The following ZNF737 variants were observed in gnomAD, a reference collection of about 807,000 sequenced individuals.
The protein encoded by ZNF737 is zinc finger protein 737.
In ZNF737, 13 loss-of-function variants were observed where a neutral mutation model predicts 11.7. The observed-to-expected ratio is 1.11, with a 90% CI of 0.73 to 1.77. ZNF737 has a LOEUF of 1.77. Among genes scored for constraint, ZNF737 ranks in the 40% most tolerant of loss-of-function variants. The probability of loss-of-function intolerance (pLI) is 0.00; values close to 1 mark genes in which losing one functional copy is unlikely to be tolerated. For synonymous variants in ZNF737, 217 were observed against 216.2 expected, an observed-to-expected ratio of 1.00 and a Z score of -0.03; for missense variants, 636 against 638.0, an observed-to-expected ratio of 1.00 and a Z score of 0.03.
chr19:20,530,999 G>A (rs1599383322), downstream of ZNF737, among the ~76,000 whole-genome samples: 1 of 148,976 alleles, frequency 6.7e-6, no homozygotes, highest in Non-Finnish European at 1.5e-5. Flanking sequence ...GCTGAGGCTG[G>A]CGGATCACTC....
At chr19:20,555,949 T>A (rs1195453291) in intron 1 of ZNF737, among the ~76,000 whole-genome samples, 2 of 152,132 alleles carry the variant, frequency 1.3e-5, no homozygotes, top group Non-Finnish European at 2.9e-5. Context: ...CAAGTATACC[T>A]GCTAGCATGA....
At chr19:20,554,596 AT>A (rs1339745583) in intron 1 of ZNF737, among the ~76,000 whole-genome samples, 8 of 152,230 alleles carry the variant, frequency 5.3e-5, no homozygotes, top group African/African-American at 1.9e-4. Context: ...ACTAGAAGAA[AT>A]TTTTATGTTG....
Position 20,542,101 on chromosome 19 carries a change from C to T in ZNF737, c.*2491G>A. On this transcript the variant is annotated 3_prime_UTR_variant, in exon 4 of 4. Transcript: ENST00000427401. The stretch of plus-strand genomic sequence containing the variant: ...TTTACAATGTATGAAATAGTATATT[C>T]CTACAATATTGTACCTACACCCTTG... The T allele has an allele frequency of 1.0e-6, 1 of 985,262 alleles. No individual in the cohort carries two copies. The highest frequency in any genetic ancestry group is 1.2e-6 in the Non-Finnish European group (1 of 829,838). The allele number at this position is 985,262 out of a possible 1,614,324, so 61.0% of individuals were successfully genotyped here. A position where few individuals can be genotyped will look rare whatever the true frequency, so the allele number is the denominator to read the frequency against.
intron 1 of ZNF737, among the ~76,000 whole-genome samples, chr19:20,560,903 G>A (rs1397643433): frequency 1.3e-5 from 2 of 152,264 alleles, no homozygotes; most frequent in East Asian, 1.9e-4. Context: ...AACAACAGAC[G>A]CTGCGGCCTA....
In ZNF737 at chr19:20,544,432, T is replaced by C; in HGVS notation, c.*160A>G. ...TTGCTGCATTTTCTTATTTGTTGGG[T>C]TTCTTTCCCGCATGAATTATCTAAT... On this transcript the variant is annotated 3_prime_UTR_variant, in exon 4 of 4. Coordinates refer to ENST00000427401, the MANE Select transcript of ZNF737 (RefSeq NM_001159293.2). 1 of 1,459,152 alleles carries C rather than the reference T, an allele frequency of 6.9e-7. No individual in the cohort carries two copies. Among genetic ancestry groups the C allele is most frequent in the African/African-American group, 1.4e-5 (1 of 70,228 alleles). The allele number at this position is 1,459,152 out of a possible 1,614,324, so 90.4% of individuals were successfully genotyped here. A position where few individuals can be genotyped will look rare whatever the true frequency, so the allele number is the denominator to read the frequency against.
chr19:20,562,112 A>G (rs1250293585), intron 1 of ZNF737, among the ~76,000 whole-genome samples: 4 of 152,068 alleles, frequency 2.6e-5, no homozygotes, highest in South Asian at 2.1e-4. Flanking sequence ...TTTCTTATCT[A>G]TCACACAGGC....
intron 1 of ZNF737, among the ~76,000 whole-genome samples, chr19:20,557,041 G>C (rs1968915640): frequency 6.6e-6 from 1 of 152,204 alleles, no homozygotes; most frequent in Non-Finnish European, 1.5e-5. Context: ...CCAGATGAAA[G>C]AGATAGAAAG....
rs530759296 is a variant in ZNF737 at position 20,542,319 on chromosome 19, C to T, written c.*2273G>A. The stretch of plus-strand genomic sequence containing the variant: ...TCTTGCCCCACTGCAACCTCTGCCT[C>T]CCAGGTTCAAGTGTTTCTCCTGCCT... On this transcript the variant is annotated 3_prime_UTR_variant, in exon 4 of 4. Coordinates refer to ENST00000427401, the MANE Select transcript of ZNF737 (RefSeq NM_001159293.2). 3.5e-5 allele frequency: 17 copies of T among 491,988 alleles called. No individual in the cohort carries two copies. The South Asian group carries it at 1.4e-3, about 41-fold the overall frequency. The allele number at this position is 491,988 out of a possible 1,614,324, so 30.5% of individuals were successfully genotyped here.
chr19:20,535,371 T>C (rs1280007412), downstream of ZNF737, among the ~76,000 whole-genome samples: 8 of 152,108 alleles, frequency 5.3e-5, no homozygotes, highest in Admixed American at 5.2e-4. Context: ...TGTTCACCAA[T>C]AGGTGAATGG....
chr19:20,546,113 T>C, intron 3 of ZNF737, 137 bp from the exon 4 acceptor site: 1 of 1,168,978 alleles, frequency 8.6e-7, no homozygotes. Flanking sequence ...AATTTCTTCC[T>C]GGATACATAA....
chr19:20,562,159 T>C (rs782769026), intron 1 of ZNF737, among the ~76,000 whole-genome samples: 3 of 151,970 alleles, frequency 2.0e-5, no homozygotes, highest in Non-Finnish European at 4.4e-5. Context: ...TTTTTCTCAT[T>C]AAAAAAATCA....
At chr19:20,531,711 G>A (rs782550691), downstream of ZNF737, among the ~76,000 whole-genome samples, 16 of 149,834 alleles carry the variant, frequency 1.1e-4, no homozygotes, top group Middle Eastern at 3.3e-3. Flanking sequence ...ACCTGCCTCA[G>A]CCTCTCAAAG....
At chr19:20,534,326 C>A (rs1967900877), downstream of ZNF737, among the ~76,000 whole-genome samples, 1 of 149,708 alleles carries the variant, frequency 6.7e-6, no homozygotes, top group Non-Finnish European at 1.5e-5. Context: ...CCTGTAATAC[C>A]AGGTACTGGG....
In ZNF737 at chr19:20,552,573, G is replaced by C; in HGVS notation, c.131-3C>G. ...GTCTGGCTTAGAGACAACAATACCT[G>C]TTTTATTAAAAATAAATAACATGAA... On this transcript the variant is annotated splice_polypyrimidine_tract_variant and splice_region_variant and intron_variant, in intron 2 of 3. Transcript: ENST00000427401. 6.4e-7 allele frequency: 1 copy of C among 1,567,548 alleles called. No homozygotes were observed. Among genetic ancestry groups the C allele is most frequent in the Non-Finnish European group, 8.6e-7 (1 of 1,158,948 alleles).
chr19:20,553,672 G>A (rs782820893), intron 2 of ZNF737, 37 bp downstream of exon 2: 3 of 1,590,450 alleles, frequency 1.9e-6, no homozygotes, highest in Non-Finnish European at 2.6e-6. Context: ...AAAGTCTTTT[G>A]TGTATATTAT....
chr19:20,554,659 A>T (rs1416578753), intron 1 of ZNF737, among the ~76,000 whole-genome samples: 1 of 145,384 alleles, frequency 6.9e-6, no homozygotes, highest in African/African-American at 2.8e-5. Context: ...TTCCTCTTTT[A>T]AAAAAGTAAA....
chr19:20,534,455 A>G (rs55862753), downstream of ZNF737, among the ~76,000 whole-genome samples: 745 of 86,094 alleles, frequency 8.7e-3, 43 homozygotes, highest in African/African-American at 0.025. Flanking sequence ...AAGAAAAAAT[A>G]TCTATCTATC....
Position 20,565,745 on chromosome 19 carries a change from C to A in ZNF737, c.-105G>T. On this transcript the variant is annotated 5_prime_UTR_variant, in exon 1 of 4. Coordinates refer to ENST00000427401, the MANE Select transcript of ZNF737 (RefSeq NM_001159293.2). ...GCCTCTAGGAGCAGAGGACACACAGCAGTGAAGACAAGACCTGGAGCTCCG... is the reference window on the plus strand; with the variant it reads ...GCCTCTAGGAGCAGAGGACACACAGAAGTGAAGACAAGACCTGGAGCTCCG... The A allele has an allele frequency of 1.9e-6, 3 of 1,556,348 alleles. No homozygotes were observed.
intron 1 of ZNF737, among the ~76,000 whole-genome samples, chr19:20,558,487 G>A (rs1451083783): frequency 6.6e-6 from 1 of 151,794 alleles, no homozygotes; most frequent in African/African-American, 2.4e-5. Context: ...TGGATTGTAG[G>A]AAAAAAGACT....
Sources: gnomAD v4.1 joint callset for allele counts (sites outside exome capture counted in the v4.1 genomes callset) on GRCh38, gnomAD v4.1.1 for gene constraint, MANE v1.5 for transcripts, NCBI Gene and HGNC (gene_info 2026-07-23, HGNC 2026-07-21) for gene names.